DNAJC12: variants seen among roughly 807,000 people sequenced by gnomAD.
DNAJC12 encodes dnaJ homolog subfamily C member 12.
In DNAJC12, 25 loss-of-function variants were observed where a neutral mutation model predicts 28.5. That is an observed-to-expected ratio of 0.88 (90% CI 0.64 to 1.22). The LOEUF is 1.22. Ranked by LOEUF, DNAJC12 falls within the 50% of genes most tolerant of loss-of-function variation. The pLI, the probability that DNAJC12 is intolerant of heterozygous loss-of-function variation, is 0.00. For synonymous variants in DNAJC12, 77 were observed against 80.6 expected, an observed-to-expected ratio of 0.95 and a Z score of 0.24; for missense variants, 222 against 231.7, an observed-to-expected ratio of 0.96 and a Z score of 0.27.
rs181421075 is a variant in DNAJC12 at position 67,805,485 on chromosome 10, C to T, written c.502+98G>A. 4.0e-5 allele frequency: 51 copies of T among 1,284,900 alleles called. No homozygotes were observed. The Admixed American group carries it at 7.0e-4, about 18-fold the overall frequency. 79.6% of individuals were successfully genotyped at this position (1,284,900 alleles called of 1,614,324 possible). Reference sequence around the variant, plus strand: ...GATAAACCAATCTTTAAACTTGGCACTGCTGTGCAGATTGAAAAAGTTAAG... The same window carrying T: ...GATAAACCAATCTTTAAACTTGGCATTGCTGTGCAGATTGAAAAAGTTAAG... On this transcript the variant is annotated intron_variant, in intron 4 of 4. Transcript: ENST00000225171.
chr10:67,810,203 A>T (rs570625277), intron 3 of DNAJC12, among the ~76,000 whole-genome samples: 1 of 152,168 alleles, frequency 6.6e-6, no homozygotes. Context: ...AAACCATCAG[A>T]TCTCATGAGA....
intron 4 of DNAJC12, among the ~76,000 whole-genome samples, chr10:67,799,607 A>G (rs965841286): frequency 1.3e-5 from 2 of 152,202 alleles, no homozygotes; most frequent in Admixed American, 6.5e-5. Flanking sequence ...GTTTCTGGCC[A>G]GGTGCGGTGG....
At chr10:67,817,297 A>G (rs892491356) in intron 2 of DNAJC12, among the ~76,000 whole-genome samples, 2 of 152,160 alleles carry the variant, frequency 1.3e-5, no homozygotes, top group African/African-American at 4.8e-5. Context: ...TGAGGCTTGG[A>G]GAGATTGCCC....
chr10:67,835,260 T>G (rs2131818423), intron 1 of DNAJC12, among the ~76,000 whole-genome samples: 1 of 152,176 alleles, frequency 6.6e-6, no homozygotes, highest in Middle Eastern at 3.4e-3. Context: ...GCATGATGAG[T>G]TCTGGTTAAT....
intron 4 of DNAJC12, among the ~76,000 whole-genome samples, chr10:67,801,618 C>G (rs1841745067): frequency 6.6e-6 from 1 of 151,738 alleles, no homozygotes; most frequent in Admixed American, 6.6e-5. Context: ...GGTGAAACCC[C>G]ATCTCTACTA....
At chr10:67,833,844 C>A in intron 1 of DNAJC12, 3 of 495,342 alleles carry the variant, frequency 6.1e-6, no homozygotes, top group Non-Finnish European at 1.2e-5. Context: ...AGCCATGGAG[C>A]ACATGGAGCC....
In DNAJC12 at chr10:67,805,798, G is replaced by T. The variant is rs1841794981; in HGVS notation, c.298-11C>A. ...AACCCAGTGCATTGACTAAATTAAT[G>T]TAAAGCAGAGATATAAAAATTAAAT... On this transcript the variant is annotated splice_polypyrimidine_tract_variant and intron_variant, in intron 3 of 4. Coordinates refer to ENST00000225171, the MANE Select transcript of DNAJC12 (RefSeq NM_021800.3). 6.5e-7 allele frequency: 1 copy of T among 1,538,744 alleles called. No individual in the cohort carries two copies. The highest frequency in any genetic ancestry group is 1.4e-5 in the African/African-American group (1 of 71,560).
intron 2 of DNAJC12, among the ~76,000 whole-genome samples, chr10:67,815,351 A>G (rs1317844298): frequency 6.6e-6 from 1 of 151,992 alleles, no homozygotes; most frequent in African/African-American, 2.4e-5. Flanking sequence ...TCTATTAAAA[A>G]TTCAAAATTA....
At chr10:67,815,834 T>C (rs1841910833) in intron 2 of DNAJC12, among the ~76,000 whole-genome samples, 1 of 152,218 alleles carries the variant, frequency 6.6e-6, no homozygotes, top group South Asian at 2.1e-4. Flanking sequence ...ATTCCCAGAA[T>C]GAAAGAAGCT....
chr10:67,827,686 C>CAAAAAAAA (rs59152300), intron 1 of DNAJC12: 1 of 142,328 alleles, frequency 7.0e-6, no homozygotes, highest in African/African-American at 2.6e-5. Context: ...AACTCCATCT[C>CAAAAAAAA]AAAAAAAAAA....
Position 67,811,584 on chromosome 10 carries a change from T to C in DNAJC12, c.237A>G (p.Arg79=), listed in dbSNP as rs150257519. The C allele has an allele frequency of 2.9e-4, 468 of 1,614,070 alleles. No homozygotes were observed. Among genetic ancestry groups the C allele is most frequent in the Middle Eastern group, 1.5e-3 (9 of 6,084 alleles). Residue 79 remains arginine (R), a synonymous_variant, in exon 3 of 5, where the codon CGA becomes CGG. Coordinates refer to ENST00000225171, the MANE Select transcript of DNAJC12 (RefSeq NM_021800.3). The part of the protein sequence containing the change: ...EESRARYDHW[R]RSQMSMPFQQ... ...GGAATGGCATCGACATCTGGCTCCT[T>C]CGCCAGTGGTCATAGCGGGCTCGAC... is the stretch of plus-strand genomic sequence containing the variant.
intron 1 of DNAJC12, among the ~76,000 whole-genome samples, chr10:67,837,067 C>T (rs1842148414): frequency 6.6e-6 from 1 of 151,322 alleles, no homozygotes; most frequent in South Asian, 2.1e-4. Context: ...ACTGTGGTAA[C>T]ACAGCAAAAT....
chr10:67,821,839 A>G (rs1841984606), intron 2 of DNAJC12, among the ~76,000 whole-genome samples: 1 of 152,164 alleles, frequency 6.6e-6, no homozygotes, highest in African/African-American at 2.4e-5. Flanking sequence ...AGTGTTTGGC[A>G]ATTTCCCAGA....
chr10:67,798,802 G>C (rs996928306), intron 4 of DNAJC12, among the ~76,000 whole-genome samples: 3 of 103,346 alleles, frequency 2.9e-5, no homozygotes, highest in Middle Eastern at 9.3e-3. Flanking sequence ...TTTCGCTCTT[G>C]TTGCCCAGGC....
At chr10:67,823,747 G>C (rs1455447326) in intron 1 of DNAJC12, among the ~76,000 whole-genome samples, 1 of 151,700 alleles carries the variant, frequency 6.6e-6, no homozygotes, top group African/African-American at 2.4e-5. Context: ...AGAAGTTGGG[G>C]CATCAATCCC....
At chr10:67,820,733 A>G (rs1232715788) in intron 2 of DNAJC12, among the ~76,000 whole-genome samples, 2 of 152,036 alleles carry the variant, frequency 1.3e-5, no homozygotes, top group African/African-American at 4.8e-5. Flanking sequence ...GAAAATTAAT[A>G]AAGAACCTTA....
chr10:67,833,234 T>G (rs776824101), intron 1 of DNAJC12, among the ~76,000 whole-genome samples: 9 of 152,180 alleles, frequency 5.9e-5, no homozygotes, highest in Admixed American at 3.3e-4. Context: ...TGCTGCCTGT[T>G]TTTTAATTAA....
At chr10:67,812,001 G>T (rs2131797702) in intron 2 of DNAJC12, among the ~76,000 whole-genome samples, 1 of 152,300 alleles carries the variant, frequency 6.6e-6, no homozygotes, top group African/African-American at 2.4e-5. Flanking sequence ...CACCTTATAG[G>T]AAGAAAACTA....
At chr10:67,825,504 C>A (rs1842020595) in intron 1 of DNAJC12, 1 of 152,210 alleles carries the variant, frequency 6.6e-6, no homozygotes, top group African/African-American at 2.4e-5. Context: ...CCCGTTGGCA[C>A]AGCACTACAG....
Sources: allele counts gnomAD v4.1 joint callset (sites outside exome capture counted in the v4.1 genomes callset), GRCh38; gene constraint gnomAD v4.1.1; transcripts MANE v1.5; gene names NCBI Gene and HGNC (gene_info 2026-07-23, HGNC 2026-07-21).